The following LAMC1 variants were observed in gnomAD, a reference collection of about 807,000 sequenced individuals.
LAMC1 encodes the protein laminin subunit gamma 1.
Under a neutral mutation model 173.6 loss-of-function variants are expected in LAMC1, and 38 were observed. The observed-to-expected ratio is 0.22, with a 90% CI of 0.17 to 0.29. LAMC1 has a LOEUF of 0.29. Among genes scored for constraint, LAMC1 ranks in the 10% least tolerant of loss-of-function variants. LAMC1 has a pLI of 1.00. For missense variants in LAMC1, 1,824 were observed against 2,051.8 expected (o/e 0.89, Z 2.14); for synonymous variants, 746 against 749.1 (o/e 1.00, Z 0.07).
At chr1:183,103,718 C>A in intron 2 of LAMC1, 86 bp downstream of exon 2, 1 of 1,211,458 alleles carries the variant, frequency 8.3e-7, no homozygotes, top group Non-Finnish European at 1.1e-6. Context: ...CTTGTGGTCC[C>A]ACTTCTGAGG....
chr1:183,025,334 AAC>A (rs1653659113), intron 1 of LAMC1, among the ~76,000 whole-genome samples: 1 of 39,350 alleles, frequency 2.5e-5, no homozygotes, highest in African/African-American at 6.0e-5. Flanking sequence ...AATTGGACTT[AAC>A]AAAAAGTACT....
At chr1:183,084,486 GA>G (rs1289789850) in intron 1 of LAMC1, among the ~76,000 whole-genome samples, 1 of 152,052 alleles carries the variant, frequency 6.6e-6, no homozygotes, top group Non-Finnish European at 1.5e-5. Context: ...AAACACTTTA[GA>G]TTACATATCC....
intron 1 of LAMC1, among the ~76,000 whole-genome samples, chr1:183,094,301 A>T: frequency 6.6e-6 from 1 of 152,180 alleles, no homozygotes; most frequent in East Asian, 1.9e-4. Context: ...CTCTGCTCAG[A>T]TTTCACCTTA....
At chr1:183,073,032 A>T (rs1315619123) in intron 1 of LAMC1, among the ~76,000 whole-genome samples, 1 of 152,248 alleles carries the variant, frequency 6.6e-6, no homozygotes, top group Non-Finnish European at 1.5e-5. Context: ...CAATAAATGT[A>T]ATGTGCTTGA....
intron 18 of LAMC1, among the ~76,000 whole-genome samples, chr1:183,129,323 C>G (rs1182336558): frequency 1.3e-5 from 2 of 151,932 alleles, no homozygotes. Context: ...CTCCTGACCT[C>G]GTGATTTGCC....
chr1:183,142,920 A>G lies in LAMC1; in HGVS notation c.*130A>G. 3 of 957,934 alleles carry G rather than the reference A, an allele frequency of 3.1e-6. No individual in the cohort carries two copies. Among genetic ancestry groups the G allele is most frequent in the Non-Finnish European group, 4.6e-6 (3 of 652,808 alleles). The allele number at this position is 957,934 out of a possible 1,614,324, so 59.3% of individuals were successfully genotyped here. On this transcript the variant is annotated 3_prime_UTR_variant, in exon 28 of 28. Coordinates refer to ENST00000258341, the MANE Select transcript of LAMC1 (RefSeq NM_002293.4). Reference sequence around the variant, plus strand: ...CTGCTGTCCATGACTGTCCTTTTGAACCAGGAAAAGTCACAGAGTTTAAAG... The same window carrying G: ...CTGCTGTCCATGACTGTCCTTTTGAGCCAGGAAAAGTCACAGAGTTTAAAG...
At chr1:183,128,391 C>A (rs1390226910) in intron 17 of LAMC1, among the ~76,000 whole-genome samples, 2 of 151,466 alleles carry the variant, frequency 1.3e-5, no homozygotes, top group African/African-American at 4.9e-5. Flanking sequence ...TGCAGCACAC[C>A]AACATGGCAC....
At chr1:183,102,673 A>G (rs1330623181) in intron 1 of LAMC1, among the ~76,000 whole-genome samples, 2 of 152,196 alleles carry the variant, frequency 1.3e-5, no homozygotes, top group Non-Finnish European at 2.9e-5. Context: ...AACATATTGA[A>G]ACAACCTTTT....
chr1:183,038,121 C>T (rs1228253685), intron 1 of LAMC1, among the ~76,000 whole-genome samples: 4 of 151,110 alleles, frequency 2.6e-5, no homozygotes, highest in Admixed American at 6.6e-5. Context: ...CTGCAACCTC[C>T]GCCTCCCAGG....
At chr1:183,034,540 G>A (rs570407509) in intron 1 of LAMC1, among the ~76,000 whole-genome samples, 91 of 152,244 alleles carry the variant, frequency 6.0e-4, no homozygotes, top group African/African-American at 2.0e-3. Flanking sequence ...CAAAGTGCTG[G>A]GATTACAGGC....
intron 2 of LAMC1, among the ~76,000 whole-genome samples, chr1:183,107,682 T>A (rs559282870): frequency 1.1e-4 from 16 of 152,070 alleles, no homozygotes; most frequent in Non-Finnish European, 2.2e-4. Flanking sequence ...TACAAAAAAT[T>A]AGCTGGGCGT....
intron 1 of LAMC1, among the ~76,000 whole-genome samples, chr1:183,067,171 A>G (rs1654895766): frequency 6.6e-6 from 1 of 152,164 alleles, no homozygotes; most frequent in Non-Finnish European, 1.5e-5. Flanking sequence ...GCTTTAAAGT[A>G]GTCATATTCT....
chr1:183,097,774 C>G (rs1478753352), intron 1 of LAMC1, among the ~76,000 whole-genome samples: 1 of 152,186 alleles, frequency 6.6e-6, no homozygotes, highest in African/African-American at 2.4e-5. Flanking sequence ...CCAGCATGAA[C>G]TGTAGGATCT....
intron 4 of LAMC1, among the ~76,000 whole-genome samples, chr1:183,112,199 C>A (rs1048728784): frequency 6.6e-6 from 1 of 152,330 alleles, no homozygotes; most frequent in Non-Finnish European, 1.5e-5. Context: ...CCTCCTCTAA[C>A]ATTTGTAAGC....
chr1:183,125,456 G>A lies in LAMC1; in HGVS notation c.2707G>A (p.Gly903Arg), dbSNP rs906974922. Residue 903 changes from glycine (G) to arginine (R), a missense_variant, in exon 15 of 28, where the codon GGG becomes AGG. Transcript: ENST00000258341. ...KQQSSCNPVT[G>R]QCECLPHVTG... ...GCAGAGCAGCTGTAACCCCGTGACG[G>A]GGCAGTGTGAATGTTTGCCTCACGT... 1 of 1,613,934 alleles carries A rather than the reference G, an allele frequency of 6.2e-7. No individual in the cohort carries two copies. Among genetic ancestry groups the A allele is most frequent in the East Asian group, 2.2e-5 (1 of 44,896 alleles).
chr1:183,081,702 T>C (rs2102051007), intron 1 of LAMC1, among the ~76,000 whole-genome samples: 1 of 152,274 alleles, frequency 6.6e-6, no homozygotes, highest in Non-Finnish European at 1.5e-5. Context: ...GCCTCTGCAA[T>C]TGTCAACATT....
intron 1 of LAMC1, among the ~76,000 whole-genome samples, chr1:183,068,245 T>A (rs891382148): frequency 6.6e-6 from 1 of 152,008 alleles, no homozygotes; most frequent in Non-Finnish European, 1.5e-5. Context: ...TTTTTTTTTG[T>A]GTGTGTATGT....
At chr1:183,043,280 C>A (rs905445989) in intron 1 of LAMC1, among the ~76,000 whole-genome samples, 2 of 151,950 alleles carry the variant, frequency 1.3e-5, no homozygotes, top group Admixed American at 6.6e-5. Flanking sequence ...TGTATTCGTA[C>A]GAAACAGACT....
rs934251705 is a variant in LAMC1, at chr1:183,131,394, C to T, written c.3566+16C>T. ...TTGCTGAACGGTAACTTCTAGATCCCTGTTTAATGGTTAAGTTGTGGCTTC... is the reference window on the plus strand; with the variant it reads ...TTGCTGAACGGTAACTTCTAGATCCTTGTTTAATGGTTAAGTTGTGGCTTC... On this transcript the variant is annotated intron_variant, in intron 20 of 27. Transcript: ENST00000258341. 3.5e-5 allele frequency: 56 copies of T among 1,579,808 alleles called. No homozygotes were observed. Among genetic ancestry groups the T allele is most frequent in the Non-Finnish European group, 4.8e-5 (55 of 1,155,352 alleles).
Sources: gnomAD v4.1 joint callset for allele counts (sites outside exome capture counted in the v4.1 genomes callset) on GRCh38, gnomAD v4.1.1 for gene constraint, MANE v1.5 for transcripts, NCBI Gene and HGNC (gene_info 2026-07-23, HGNC 2026-07-21) for gene names.